The following NEDD4 variants were observed in gnomAD, a reference collection of about 807,000 sequenced individuals.
NEDD4 encodes the protein E3 ubiquitin-protein ligase NEDD4.
NEDD4 carries 99 observed loss-of-function variants against 144.9 expected under a neutral mutation model. The observed-to-expected ratio is 0.68, with a 90% CI of 0.58 to 0.81. NEDD4 has a LOEUF of 0.81. Among genes scored for constraint, NEDD4 ranks in the 30% least tolerant of loss-of-function variants. The pLI is 0.00. For missense variants in NEDD4, 985 were observed against 1,065.9 expected (o/e 0.92, Z 1.06); for synonymous variants, 318 against 350.6 (o/e 0.91, Z 1.04).
At chr15:55,962,869 C>T (rs939849690) in intron 2 of NEDD4, among the ~76,000 whole-genome samples, 2 of 151,612 alleles carry the variant, frequency 1.3e-5, no homozygotes, top group African/African-American at 4.9e-5. Flanking sequence ...TCACTGCAAC[C>T]TCTGCCTCCT....
chr15:55,852,587 G>C (rs955313514), intron 12 of NEDD4, 44 bp from the exon 13 acceptor site: 4 of 1,592,150 alleles, frequency 2.5e-6, no homozygotes, highest in Non-Finnish European at 3.4e-6. Context: ...TCAAGTTTAA[G>C]AATCCTTCTA....
At position 55,865,976 on chromosome 15, in the gene NEDD4, G is replaced by T. The variant is rs533728228; in HGVS notation, c.508-2897C>A. Among the ~76,000 whole-genome samples the T allele has an allele frequency of 1.9e-4, 29 of 152,230 alleles. 1 individual carries two copies. In the South Asian group the frequency reaches 5.8e-3, roughly 30 times the overall value. Reference sequence around the variant, plus strand: ...CAACAGGGTCTCATTCTGACACCCAGGTTGGAGTGCAGTGGTGCCATCACA... The same window carrying T: ...CAACAGGGTCTCATTCTGACACCCATGTTGGAGTGCAGTGGTGCCATCACA... On this transcript the variant is annotated intron_variant, in intron 8 of 28. Transcript: ENST00000435532.
intron 2 of NEDD4, among the ~76,000 whole-genome samples, chr15:55,952,932 T>C (rs935922179): frequency 2.0e-5 from 3 of 152,162 alleles, no homozygotes; most frequent in Non-Finnish European, 2.9e-5. Flanking sequence ...AGAACACTTA[T>C]ATAGCAATTA....
intron 8 of NEDD4, among the ~76,000 whole-genome samples, chr15:55,863,522 A>G (rs1566918480): frequency 6.6e-6 from 1 of 152,244 alleles, no homozygotes; most frequent in Non-Finnish European, 1.5e-5. Context: ...TTGTAAGTAT[A>G]TATCAAAACA....
chr15:55,938,300 G>A (rs9920158), intron 4 of NEDD4, among the ~76,000 whole-genome samples: 45,869 of 151,706 alleles, frequency 0.3, 7,037 homozygotes, highest in South Asian at 0.38. Context: ...TGGTGGTTGC[G>A]GTGAGCCGAG....
rs563796085 is a variant in NEDD4 at position 55,840,534 on chromosome 15, T to C, written c.1961-17A>G. ...TGAAAAAACCTTGCAAAAAACCAAA[T>C]ACATTTAGGATGATTACCAAGTGAA... On this transcript the variant is annotated splice_polypyrimidine_tract_variant and intron_variant, in intron 20 of 28. Transcript: ENST00000435532. The C allele has an allele frequency of 2.5e-6, 4 of 1,613,854 alleles. No individual in the cohort carries two copies. Among genetic ancestry groups the C allele is most frequent in the African/African-American group, 2.7e-5 (2 of 75,024 alleles).
At chr15:55,853,354 C>A (rs547356766) in intron 12 of NEDD4, among the ~76,000 whole-genome samples, 10 of 152,126 alleles carry the variant, frequency 6.6e-5, no homozygotes, top group Non-Finnish European at 1.5e-4. Flanking sequence ...ACACAGATAA[C>A]GTCATTTACT....
At chr15:55,842,400 C>T (rs950457402) in intron 18 of NEDD4, among the ~76,000 whole-genome samples, 20 of 151,996 alleles carry the variant, frequency 1.3e-4, no homozygotes, top group Non-Finnish European at 1.9e-4. Context: ...TCTGAAGAAG[C>T]TTTTGTTTTT....
At chr15:55,871,432 TAAA>T (rs1194037589) in intron 7 of NEDD4, among the ~76,000 whole-genome samples, 1 of 152,186 alleles carries the variant, frequency 6.6e-6, no homozygotes, top group Non-Finnish European at 1.5e-5. Flanking sequence ...TTTTTAAAGA[TAAA>T]GACGCTAGAA....
At chr15:55,983,366 G>A (rs1487915055) in intron 1 of NEDD4, among the ~76,000 whole-genome samples, 4 of 152,112 alleles carry the variant, frequency 2.6e-5, no homozygotes, top group Non-Finnish European at 4.4e-5. Context: ...TCCTTAACAC[G>A]GCATGCCAGG....
intron 24 of NEDD4, 122 bp from the exon 25 acceptor site, chr15:55,834,408 CG>C (rs1324151349): frequency 3.1e-6 from 2 of 636,706 alleles, no homozygotes; most frequent in Non-Finnish European, 5.5e-6. Context: ...TACACAATCA[CG>C]GGCTCTTCAC....
At chr15:55,848,944 A>G (rs1230782516) in intron 14 of NEDD4, 58 bp from the exon 15 acceptor site, 7 of 1,329,974 alleles carry the variant, frequency 5.3e-6, no homozygotes, top group Non-Finnish European at 7.6e-6. Flanking sequence ...AATCAAAGTC[A>G]GTCTGTTACC....
intron 2 of NEDD4, among the ~76,000 whole-genome samples, chr15:55,953,939 C>A: frequency 6.6e-6 from 1 of 152,168 alleles, no homozygotes; most frequent in East Asian, 1.9e-4. Flanking sequence ...CCAGGATGGT[C>A]TCAATCTCTT....
At position 55,967,685 on chromosome 15, in the gene NEDD4, A is replaced by T. The variant is rs142195370; in HGVS notation, c.46-1139T>A. ...ACAAGTTACAAAACTATTAGAACAG[A>T]AATAAAATTAATAAGAAATATAAAA... On this transcript the variant is annotated intron_variant, in intron 1 of 28. Coordinates refer to ENST00000435532, the MANE Select transcript of NEDD4 (RefSeq NM_006154.4). Among the ~76,000 whole-genome samples, 126 of 150,956 alleles carry T rather than the reference A, an allele frequency of 8.3e-4. No individual in the cohort carries two copies. The East Asian group carries it at 0.021, about 25-fold the overall frequency.
chr15:55,938,555 A>C (rs760739018), intron 4 of NEDD4, among the ~76,000 whole-genome samples: 1 of 152,146 alleles, frequency 6.6e-6, no homozygotes, highest in African/African-American at 2.4e-5. Flanking sequence ...TGACAATGAC[A>C]ATGATTTTTT....
intron 1 of NEDD4, among the ~76,000 whole-genome samples, chr15:55,983,919 A>C (rs1379678644): frequency 6.6e-6 from 1 of 152,074 alleles, no homozygotes; most frequent in Non-Finnish European, 1.5e-5. Context: ...CCTGTTATAA[A>C]TACTTTCATC....
intron 1 of NEDD4, among the ~76,000 whole-genome samples, chr15:55,972,669 A>G (rs141996991): frequency 6.6e-6 from 1 of 152,316 alleles, no homozygotes; most frequent in African/African-American, 2.4e-5. Flanking sequence ...TAAGTGAACT[A>G]AACTCTCCAA....
chr15:55,970,688 C>T (rs2037592534), intron 1 of NEDD4, among the ~76,000 whole-genome samples: 1 of 152,184 alleles, frequency 6.6e-6, no homozygotes, highest in Admixed American at 6.5e-5. Context: ...CAAGTTGGTG[C>T]CTCTATGAGA....
At chr15:55,886,652 G>A (rs2035400554) in intron 5 of NEDD4, among the ~76,000 whole-genome samples, 1 of 151,854 alleles carries the variant, frequency 6.6e-6, no homozygotes, top group South Asian at 2.1e-4. Flanking sequence ...CAGCTACTCG[G>A]GAGGCTGAGG....
Sources: gnomAD v4.1 joint callset for allele counts (sites outside exome capture counted in the v4.1 genomes callset) on GRCh38, gnomAD v4.1.1 for gene constraint, MANE v1.5 for transcripts, NCBI Gene and HGNC (gene_info 2026-07-23, HGNC 2026-07-21) for gene names.